PCDHA7: variants seen among roughly 807,000 people sequenced by gnomAD.
PCDHA7 encodes the protein protocadherin alpha-7.
A neutral mutation model predicts 57.2 loss-of-function variants in PCDHA7; 37 were observed. The observed-to-expected ratio is 0.65, with a 90% CI of 0.50 to 0.85. The LOEUF is 0.85. Ranked by LOEUF, PCDHA7 falls within the 40% of genes least tolerant of loss-of-function variation. PCDHA7 has a pLI of 0.00. For synonymous variants in PCDHA7, 553 were observed against 558.8 expected (o/e 0.99, Z 0.15); for missense variants, 1,188 against 1,241.8 (o/e 0.96, Z 0.65).
intron 1 of PCDHA7, among the ~76,000 whole-genome samples, chr5:140,941,877 A>T (rs1554214743): frequency 1.3e-5 from 2 of 152,224 alleles, no homozygotes; most frequent in Non-Finnish European, 2.9e-5. Flanking sequence ...TTCTATCACC[A>T]GTGACTAGCA....
chr5:140,852,300 C>A (rs1056866634), intron 1 of PCDHA7: 2 of 445,888 alleles, frequency 4.5e-6, no homozygotes, highest in East Asian at 1.5e-4. Flanking sequence ...TTTTCTGAGA[C>A]GGAGTCGTTT....
intron 1 of PCDHA7, among the ~76,000 whole-genome samples, chr5:140,907,449 A>G (rs1554192997): frequency 6.6e-6 from 1 of 152,232 alleles, no homozygotes; most frequent in Admixed American, 6.5e-5. Flanking sequence ...ACAGATGGTA[A>G]TCTTGGCAGA....
chr5:140,836,565 T>G lies in PCDHA7; in HGVS notation c.2182T>G (p.Ser728Ala), dbSNP rs2150264210. ...YTALRCSAPS[S>A]EGACSLVKPT... is the part of the protein sequence containing the mutation. ...GGCGTTGCGGTGCTCAGCGCCGTCC[T>G]CTGAGGGCGCATGTAGTTTGGTAAA... is the stretch of plus-strand genomic sequence containing the variant. Residue 728 changes from serine (S) to alanine (A), a missense_variant, in exon 1 of 4, where the codon TCT becomes GCT. By Grantham distance (99) the Ser-to-Ala change is moderately conservative. This residue lies in a region of PCDHA7 where 892 missense variants were observed against 788.5 expected (regional missense o/e 1.13). Transcript: ENST00000525929. 4.3e-6 allele frequency: 7 copies of G among 1,613,616 alleles called. No homozygotes were observed. The highest frequency in any genetic ancestry group is 1.3e-5 in the African/African-American group (1 of 74,792).
chr5:140,883,555 C>T, intron 1 of PCDHA7: 3 of 1,614,168 alleles, frequency 1.9e-6, no homozygotes, highest in Non-Finnish European at 2.5e-6. Context: ...CCGCGCGGGA[C>T]GGGGGCTCGC....
At chr5:140,881,623 A>G (rs1179461885) in intron 1 of PCDHA7, among the ~76,000 whole-genome samples, 1 of 152,188 alleles carries the variant, frequency 6.6e-6, no homozygotes, top group East Asian at 1.9e-4. Flanking sequence ...TCAAAATCTG[A>G]TATATCAGTT....
intron 3 of PCDHA7, among the ~76,000 whole-genome samples, chr5:140,999,739 T>C (rs2097873545): frequency 6.6e-6 from 1 of 152,196 alleles, no homozygotes; most frequent in Admixed American, 6.5e-5. Flanking sequence ...AATGTTTGAA[T>C]CTGGGTTCGC....
chr5:140,900,233 G>GT (rs1261263702), intron 1 of PCDHA7, among the ~76,000 whole-genome samples: 7 of 151,834 alleles, frequency 4.6e-5, no homozygotes, highest in Non-Finnish European at 7.4e-5. Flanking sequence ...ACTGGATCTT[G>GT]TTTTTTTTAT....
intron 1 of PCDHA7, chr5:140,841,097 A>T (rs1777008078): frequency 3.5e-6 from 2 of 570,202 alleles, no homozygotes; most frequent in Non-Finnish European, 6.1e-6. Context: ...GAACCCAGAT[A>T]TTGCGGAAGT....
chr5:140,908,307 C>T (rs782169692), intron 1 of PCDHA7, among the ~76,000 whole-genome samples: 43 of 152,180 alleles, frequency 2.8e-4, no homozygotes, highest in Non-Finnish European at 1.3e-4. Context: ...GAAGGAAGGG[C>T]GGCAGGAGTG....
Position 140,858,059 on chromosome 5 carries a change from G to C in PCDHA7, c.2355+21321G>C, listed in dbSNP as rs200045353. 1,846 of 1,597,616 alleles carry C rather than the reference G, an allele frequency of 1.2e-3. 155 individuals carry two copies. The highest frequency in any genetic ancestry group is 1.5e-3 in the Middle Eastern group (9 of 5,984). On this transcript the variant is annotated intron_variant, in intron 1 of 3. Coordinates refer to ENST00000525929, the MANE Select transcript of PCDHA7 (RefSeq NM_018910.3). ...CACTGTGCTTGTGTCGCTTGTGGAG[G>C]GCAGCCAGGCACCCAAGGCCTCGTC...
At chr5:140,954,406 G>A (rs556455987) in intron 1 of PCDHA7, among the ~76,000 whole-genome samples, 2 of 152,268 alleles carry the variant, frequency 1.3e-5, no homozygotes, top group East Asian at 3.9e-4. Flanking sequence ...CACCAACAGG[G>A]TAAAGGTGTT....
At chr5:140,908,985 C>G (rs2074252217) in intron 1 of PCDHA7, among the ~76,000 whole-genome samples, 1 of 152,130 alleles carries the variant, frequency 6.6e-6, no homozygotes, top group African/African-American at 2.4e-5. Context: ...CCACTGGACC[C>G]CTAGAAATTT....
chr5:140,884,083 G>A, intron 1 of PCDHA7: 1 of 1,613,596 alleles, frequency 6.2e-7, no homozygotes. Context: ...GCTACAATGC[G>A]TGGCTTTCGT....
At position 140,877,378 on chromosome 5, in the gene PCDHA7, A is replaced by G; in HGVS notation, c.2355+40640A>G. 2 of 1,613,974 alleles carry G rather than the reference A, an allele frequency of 1.2e-6. No individual in the cohort carries two copies. Among genetic ancestry groups the G allele is most frequent in the South Asian group, 1.1e-5 (1 of 91,086 alleles). On this transcript the variant is annotated intron_variant, in intron 1 of 3. Transcript: ENST00000525929. ...CACTGGCGAGATCAGCACGACACGC[A>G]TCCTGGATGAGGCGGACGCTCCGCG...
intron 1 of PCDHA7, chr5:140,928,174 C>T (rs2085016971): frequency 1.9e-6 from 3 of 1,614,060 alleles, no homozygotes; most frequent in African/African-American, 1.3e-5. Flanking sequence ...ACTTAGCACC[C>T]GAAGGACAAT....
At chr5:140,927,590 T>C (rs782100491) in intron 1 of PCDHA7, 21 of 1,614,058 alleles carry the variant, frequency 1.3e-5, no homozygotes, top group Non-Finnish European at 1.4e-5. Flanking sequence ...GCGCCTGTAT[T>C]TGAGCGCTCC....
intron 1 of PCDHA7, chr5:140,841,825 A>G (rs1422577295): frequency 5.0e-6 from 8 of 1,613,926 alleles, no homozygotes; most frequent in Non-Finnish European, 6.8e-6. Context: ...ACTCCGTGTT[A>G]ACCTACAGGC....
chr5:140,966,113 A>T (rs1224729629), intron 1 of PCDHA7: 1 of 155,768 alleles, frequency 6.4e-6, no homozygotes, highest in African/African-American at 2.4e-5. Flanking sequence ...GGGTGCCCAT[A>T]CTTAGCTAAG....
At position 140,882,318 on chromosome 5, in the gene PCDHA7, G is replaced by A. The variant is rs534213144; in HGVS notation, c.2355+45580G>A. On this transcript the variant is annotated intron_variant, in intron 1 of 3. Transcript: ENST00000525929. ...CCAAGACCGCGGCAACTACTGCTCT[G>A]GCTTCTGATCCTCGCAGCCTGGGAG... 5 of 1,614,128 alleles carry A rather than the reference G, an allele frequency of 3.1e-6. No individual in the cohort carries two copies. In the African/African-American group the frequency reaches 6.7e-5, roughly 22 times the overall value.
Sources: allele counts gnomAD v4.1 joint callset (sites outside exome capture counted in the v4.1 genomes callset), GRCh38; gene constraint gnomAD v4.1.1; regional missense constraint gnomAD v4.1.1; transcripts MANE v1.5; gene names NCBI Gene and HGNC (gene_info 2026-07-23, HGNC 2026-07-21).